STAT3: variants seen among roughly 807,000 people sequenced by gnomAD.
The protein encoded by STAT3 is DNA-binding protein APRF.
Under a neutral mutation model 114.3 loss-of-function variants are expected in STAT3, and 7 were observed. That is an observed-to-expected ratio of 0.06 (90% confidence interval 0.03 to 0.11). The LOEUF is 0.11. Ranked by LOEUF, STAT3 falls within the 10% of genes least tolerant of loss-of-function variation. STAT3 has a pLI of 1.00. For missense variants in STAT3, 364 were observed against 960.9 expected (o/e 0.38, Z 8.21); for synonymous variants, 331 against 354.5 (o/e 0.93, Z 0.74).
At chr17:42,334,432 G>A (rs956608325) in intron 8 of STAT3, among the ~76,000 whole-genome samples, 1 of 143,434 alleles carries the variant, frequency 7.0e-6, no homozygotes, top group Admixed American at 7.4e-5. Flanking sequence ...AAGCCACTGC[G>A]CCTGGCCTTT....
At chr17:42,346,524 A>T in intron 3 of STAT3, 45 bp downstream of exon 3, 1 of 1,613,448 alleles carries the variant, frequency 6.2e-7, no homozygotes. Context: ...CTAACACCCG[A>T]CTCTGCGGGT....
chr17:42,378,937 C>T (rs755284461), intron 1 of STAT3, among the ~76,000 whole-genome samples: 3 of 152,126 alleles, frequency 2.0e-5, no homozygotes, highest in East Asian at 1.9e-4. Flanking sequence ...AAGCTTTCAC[C>T]GAAGCAGGTG....
chr17:42,342,034 G>A (rs1409510554), intron 4 of STAT3, among the ~76,000 whole-genome samples: 1 of 152,018 alleles, frequency 6.6e-6, no homozygotes, highest in Middle Eastern at 3.2e-3. Context: ...TTTATCTTGT[G>A]GAGCAGGATA....
intron 1 of STAT3, among the ~76,000 whole-genome samples, chr17:42,360,860 G>A (rs2083474992): frequency 6.6e-6 from 1 of 152,134 alleles, no homozygotes; most frequent in Non-Finnish European, 1.5e-5. Context: ...CACATCCAGG[G>A]AGGGACAACC....
intron 4 of STAT3, among the ~76,000 whole-genome samples, chr17:42,343,348 G>A (rs1225980947): frequency 6.6e-6 from 1 of 151,320 alleles, no homozygotes; most frequent in Non-Finnish European, 1.5e-5. Context: ...TCCTATGACC[G>A]ACTACTTTAA....
intron 8 of STAT3, 112 bp from the exon 9 acceptor site, chr17:42,334,161 AT>A (rs956669968): frequency 2.4e-6 from 3 of 1,258,394 alleles, no homozygotes; most frequent in Non-Finnish European, 3.4e-6. Context: ...AGAACAAGGA[AT>A]TTTTTTATTG....
At chr17:42,344,219 G>A (rs531297964) in intron 4 of STAT3, among the ~76,000 whole-genome samples, 185 of 151,334 alleles carry the variant, frequency 1.2e-3, no homozygotes, top group Admixed American at 2.5e-3. Context: ...TCAAGAGATC[G>A]AGACCATCCT....
chr17:42,371,061 C>T (rs2084097334), intron 1 of STAT3, among the ~76,000 whole-genome samples: 1 of 152,128 alleles, frequency 6.6e-6, no homozygotes, highest in Non-Finnish European at 1.5e-5. Flanking sequence ...ACAGGATTTG[C>T]TGATGCTTTG....
intron 11 of STAT3, among the ~76,000 whole-genome samples, chr17:42,330,003 T>G (rs529980603): frequency 6.6e-6 from 1 of 152,370 alleles, no homozygotes; most frequent in South Asian, 2.1e-4. Context: ...GCATATGTAC[T>G]TATTAAACCT....
rs112998347 is a variant in STAT3, at chr17:42,320,118, G to A, written c.2101+2164C>T. ...TCCTCTGCAGAAGGAACAAAGAGCC[G>A]TGTGGCAGGGGCTGATAAACAGATC... is the stretch of plus-strand genomic sequence containing the variant. On this transcript the variant is annotated intron_variant, in intron 21 of 23. Transcript: ENST00000264657. Among the ~76,000 whole-genome samples, 12 of 152,288 alleles carry A rather than the reference G, an allele frequency of 7.9e-5. 1 individual carries two copies. Among genetic ancestry groups the A allele is most frequent in the African/African-American group, 2.2e-4 (9 of 41,544 alleles).
rs1141123 is a variant in STAT3 at position 42,324,730 on chromosome 17, T to C, written c.1581A>G (p.Thr527=). The change falls in exon 17 of 24, where the codon ACA becomes ACG. Residue 527 remains threonine, a synonymous_variant. Coordinates refer to ENST00000264657, the MANE Select transcript of STAT3 (RefSeq NM_139276.3). This position sits in a 1 kb window ranked among gnomAD's most constrained non-coding sequence, Gnocchi z 4.5. ...GCGGACCCAAGAGTTTCTCTGCCAG[T>C]GTAGTCAGCTGCTCGATGCTCAGTC... ...KRGLSIEQLT[T]LAEKLLGPGV... 1 of 1,614,004 alleles carries C rather than the reference T, an allele frequency of 6.2e-7. No individual in the cohort carries two copies. The highest frequency in any genetic ancestry group is 1.7e-5 in the Admixed American group (1 of 60,004).
intron 4 of STAT3, among the ~76,000 whole-genome samples, chr17:42,344,291 G>A (rs17881032): frequency 0.061 from 9,252 of 151,572 alleles, 348 homozygotes; most frequent in Non-Finnish European, 0.074. Context: ...GTGTGGTGGC[G>A]CGCGCCTGTA....
chr17:42,359,484 C>T (rs919647283), intron 1 of STAT3, among the ~76,000 whole-genome samples: 2 of 152,064 alleles, frequency 1.3e-5, no homozygotes, highest in Admixed American at 6.6e-5. Flanking sequence ...TATCTCCATA[C>T]GTATTTCACC....
chr17:42,318,126 CT>C (rs57273112), intron 21 of STAT3, among the ~76,000 whole-genome samples: 99 of 146,682 alleles, frequency 6.7e-4, no homozygotes, highest in Non-Finnish European at 7.1e-4. Flanking sequence ...TAATTTTTGT[CT>C]TTTTTTTTTT....
At chr17:42,372,723 T>C (rs754777106) in intron 1 of STAT3, among the ~76,000 whole-genome samples, 2 of 152,160 alleles carry the variant, frequency 1.3e-5, no homozygotes, top group African/African-American at 4.8e-5. Flanking sequence ...GGCTCACACC[T>C]GTAATTCCAA....
intron 21 of STAT3, 136 bp from the exon 22 acceptor site, chr17:42,317,360 ATCTGCCCCTCAGGGTTG>A (rs1433557442): frequency 9.7e-7 from 1 of 1,027,330 alleles, no homozygotes; most frequent in African/African-American, 1.6e-5. Flanking sequence ...GGAAAGCTCC[ATCTGCCCCTCAGGGTTG>A]TCTGCCCTCA....
chr17:42,317,022 A>G, intron 22 of STAT3, 121 bp from the exon 23 acceptor site: 1 of 1,556,510 alleles, frequency 6.4e-7, no homozygotes, highest in Non-Finnish European at 8.7e-7. Flanking sequence ...ACAGAAAAAT[A>G]AAAGCTCAAG....
At chr17:42,327,309 G>A (rs1349467111) in intron 14 of STAT3, among the ~76,000 whole-genome samples, 1 of 150,826 alleles carries the variant, frequency 6.6e-6, no homozygotes, top group African/African-American at 2.4e-5. Context: ...TACCATATTT[G>A]TTTATCTAAG....
At chr17:42,328,604 C>T (rs1210580265) in intron 14 of STAT3, among the ~76,000 whole-genome samples, 1 of 152,144 alleles carries the variant, frequency 6.6e-6, no homozygotes, top group Non-Finnish European at 1.5e-5. Flanking sequence ...GACGGGCTTT[C>T]ACCATGTTGG....
Sources: gnomAD v4.1 joint callset for allele counts (sites outside exome capture counted in the v4.1 genomes callset) on GRCh38, gnomAD v4.1.1 for gene constraint, Gnocchi (gnomAD v3.1) non-coding constraint, MANE v1.5 for transcripts, NCBI Gene and HGNC (gene_info 2026-07-23, HGNC 2026-07-21) for gene names.